Variants in NAALADL2 observed in about 807,000 individuals in gnomAD.
The protein encoded by NAALADL2 is inactive N-acetylated-alpha-linked acidic dipeptidase-like protein 2.
Under a neutral mutation model 87.2 loss-of-function variants are expected in NAALADL2, and 76 were observed. The ratio of observed to expected loss-of-function variants is 0.87; its 90% CI spans 0.72 to 1.05. The LOEUF is 1.05. NAALADL2 is among the 50% of genes least tolerant of loss of function. The probability of loss-of-function intolerance (pLI) is 0.00; values close to 1 mark genes in which losing one functional copy is unlikely to be tolerated. For synonymous variants in NAALADL2, 354 were observed against 331.0 expected (o/e 1.07, Z -0.75); for missense variants, 1,089 against 945.8 (o/e 1.15, Z -1.99).
At chr3:175,243,819 T>G (rs185740077) in intron 3 of NAALADL2, among the ~76,000 whole-genome samples, 33 of 152,196 alleles carry the variant, frequency 2.2e-4, no homozygotes, top group Admixed American at 4.6e-4. Context: ...TTTCCCAAGG[T>G]CTGAAATGGG....
intron 2 of NAALADL2, among the ~76,000 whole-genome samples, chr3:174,617,219 T>A (rs1720548900): frequency 6.6e-6 from 1 of 151,798 alleles, no homozygotes; most frequent in African/African-American, 2.4e-5. Context: ...CAAATTTTCT[T>A]CTCTAACTCA....
At chr3:174,827,209 T>C (rs1722095119) in intron 3 of NAALADL2, among the ~76,000 whole-genome samples, 1 of 152,180 alleles carries the variant, frequency 6.6e-6, no homozygotes, top group Non-Finnish European at 1.5e-5. Flanking sequence ...CCGTAATTAG[T>C]ATGTACTGGT....
At chr3:175,332,027 T>G (rs1408664301) in intron 5 of NAALADL2, among the ~76,000 whole-genome samples, 1 of 151,738 alleles carries the variant, frequency 6.6e-6, no homozygotes, top group African/African-American at 2.4e-5. Context: ...AACAAGGAAA[T>G]TAAAGACCTC....
At chr3:175,334,259 T>C (rs911082642) in intron 5 of NAALADL2, among the ~76,000 whole-genome samples, 2 of 152,176 alleles carry the variant, frequency 1.3e-5, no homozygotes, top group African/African-American at 2.4e-5. Flanking sequence ...GACAGATAGA[T>C]AGATAGATAG....
At chr3:175,481,335 C>CTGTG (rs3040504) in intron 9 of NAALADL2, among the ~76,000 whole-genome samples, 1,737 of 143,970 alleles carry the variant, frequency 0.012, 21 homozygotes, top group African/African-American at 0.037. Context: ...AACAATGCCA[C>CTGTG]TGTGTGTGTG....
At position 175,384,144 on chromosome 3, in the gene NAALADL2, C is replaced by G. The variant is rs370364554; in HGVS notation, c.1090+59819C>G. ...ATTGCTCTATTTCTATATTTATCCT[C>G]TCTCTGAGAACTTGCCTCTAGTGAA... On this transcript the variant is annotated intron_variant, in intron 5 of 13. Transcript: ENST00000454872. Among the ~76,000 whole-genome samples the G allele has an allele frequency of 1.8e-4, 27 of 152,182 alleles. 2 individuals are homozygous for G. Among genetic ancestry groups the G allele is most frequent in the African/African-American group, 5.1e-4 (21 of 41,568 alleles).
intron 11 of NAALADL2, among the ~76,000 whole-genome samples, chr3:175,697,983 A>G (rs868173538): frequency 0.5 from 1 of 2 alleles, no homozygotes; most frequent in African/African-American, 0.5. Context: ...ATATGTATGT[A>G]TACATATATA....
intron 13 of NAALADL2, among the ~76,000 whole-genome samples, chr3:175,789,162 A>G (rs1398860259): frequency 6.6e-6 from 1 of 152,144 alleles, no homozygotes; most frequent in Non-Finnish European, 1.5e-5. Flanking sequence ...TGGAACTGAG[A>G]TTGCTTTTGT....
At chr3:174,647,147 A>T (rs758484783) in intron 2 of NAALADL2, among the ~76,000 whole-genome samples, 1 of 152,204 alleles carries the variant, frequency 6.6e-6, no homozygotes, top group Non-Finnish European at 1.5e-5. Context: ...TCTTTATACA[A>T]TCTCATTGAC....
intron 13 of NAALADL2, among the ~76,000 whole-genome samples, chr3:175,790,572 G>A (rs886910308): frequency 6.6e-6 from 1 of 152,132 alleles, no homozygotes; most frequent in African/African-American, 2.4e-5. Context: ...TTACTTTCTT[G>A]TTTAAACAAC....
At chr3:174,781,658 A>G (rs911657390) in intron 3 of NAALADL2, among the ~76,000 whole-genome samples, 1 of 152,000 alleles carries the variant, frequency 6.6e-6, no homozygotes, top group South Asian at 2.1e-4. Context: ...TAAAAGATGG[A>G]TAGGACTTAA....
chr3:174,492,584 T>C (rs1718271345), intron 1 of NAALADL2, among the ~76,000 whole-genome samples: 1 of 152,136 alleles, frequency 6.6e-6, no homozygotes, highest in African/African-American at 2.4e-5. Flanking sequence ...CATTTACAAC[T>C]CCAAAAACAG....
At chr3:174,873,899 T>A (rs910840401) in intron 1 of NAALADL2, among the ~76,000 whole-genome samples, 1 of 151,756 alleles carries the variant, frequency 6.6e-6, no homozygotes, top group African/African-American at 2.4e-5. Context: ...AATAAAGAAT[T>A]CTGCCATCAA....
intron 10 of NAALADL2, among the ~76,000 whole-genome samples, chr3:175,580,970 A>T (rs1719675592): frequency 6.6e-6 from 1 of 152,084 alleles, no homozygotes; most frequent in African/African-American, 2.4e-5. Flanking sequence ...TATTTATTTT[A>T]AAATTATTTC....
At chr3:175,157,220 G>A (rs1463678280) in intron 2 of NAALADL2, among the ~76,000 whole-genome samples, 1 of 151,996 alleles carries the variant, frequency 6.6e-6, no homozygotes, top group Non-Finnish European at 1.5e-5. Context: ...TCTATCATGA[G>A]GATAGGAAAA....
intron 4 of NAALADL2, among the ~76,000 whole-genome samples, chr3:175,293,699 C>T (rs937713095): frequency 2.0e-5 from 3 of 152,122 alleles, no homozygotes; most frequent in African/African-American, 7.2e-5. Flanking sequence ...TATGTGAGGA[C>T]ACAGCTAGAA....
chr3:174,853,485 A>G (rs958705227), intron 3 of NAALADL2, among the ~76,000 whole-genome samples: 1 of 151,954 alleles, frequency 6.6e-6, no homozygotes, highest in African/African-American at 2.4e-5. Flanking sequence ...CAAAGTTTTC[A>G]TGACTAAAAC....
At chr3:175,554,079 G>C (rs1458348677) in intron 9 of NAALADL2, among the ~76,000 whole-genome samples, 1 of 152,164 alleles carries the variant, frequency 6.6e-6, no homozygotes, top group Non-Finnish European at 1.5e-5. Flanking sequence ...GGTCTTGTGG[G>C]ACATTCAAAT....
In NAALADL2 at chr3:174,798,941, G is replaced by A. The variant is rs188154658; in HGVS notation, c.-9+61195G>A. Among the ~76,000 whole-genome samples the A allele has an allele frequency of 5.9e-3, 897 of 152,080 alleles. 2 individuals are homozygous for A. Among genetic ancestry groups the A allele is most frequent in the African/African-American group, 0.014 (578 of 41,498 alleles). ...TCCTAGAACTTTGGGAGGCTGAGGC[G>A]GGTGGATCACCTGAGGTCAGAAGTT... On this transcript the variant is annotated intron_variant, in intron 3 of 3. Coordinates refer to the NAALADL2 transcript ENST00000434257.
Sources: gnomAD v4.1 joint callset for allele counts (sites outside exome capture counted in the v4.1 genomes callset) on GRCh38, gnomAD v4.1.1 for gene constraint, MANE v1.5 for transcripts, NCBI Gene and HGNC (gene_info 2026-07-23, HGNC 2026-07-21) for gene names.